SLC22A9: variants seen among roughly 807,000 people sequenced by gnomAD.
SLC22A9 encodes solute carrier family 22 member 9.
A neutral mutation model predicts 50.1 loss-of-function variants in SLC22A9; 64 were observed. The observed-to-expected ratio is 1.28, with a 90% CI of 1.04 to 1.57. The LOEUF is 1.57. SLC22A9 is among the 40% of genes most tolerant of loss of function. The pLI is 0.00. For synonymous variants in SLC22A9, 261 were observed against 242.5 expected, an observed-to-expected ratio of 1.08 and a Z score of -0.71; for missense variants, 757 against 676.1, an observed-to-expected ratio of 1.12 and a Z score of -1.33.
At chr11:63,377,874 CCAA>C (rs112817863) in intron 5 of SLC22A9, among the ~76,000 whole-genome samples, 2,385 of 152,174 alleles carry the variant, frequency 0.016, 57 homozygotes, top group African/African-American at 0.055. Context: ...GACATTACCA[CCAA>C]CAACACAGAA....
At chr11:63,386,383 T>TC (rs1397947186) in intron 6 of SLC22A9, among the ~76,000 whole-genome samples, 2 of 143,580 alleles carry the variant, frequency 1.4e-5, no homozygotes, top group African/African-American at 5.2e-5. Flanking sequence ...TGGTACCAGC[T>TC]CCCCTTTGTA....
At chr11:63,403,994 A>G (rs73485825) in intron 6 of SLC22A9, among the ~76,000 whole-genome samples, 2,150 of 152,216 alleles carry the variant, frequency 0.014, 43 homozygotes, top group African/African-American at 0.049. Context: ...TGGGATCTCA[A>G]TTCTTCAGAA....
At chr11:63,397,284 G>A (rs1015876925) in intron 6 of SLC22A9, among the ~76,000 whole-genome samples, 3 of 152,156 alleles carry the variant, frequency 2.0e-5, no homozygotes, top group African/African-American at 7.2e-5. Flanking sequence ...GGTAACACAA[G>A]CACCTCTGTG....
intron 6 of SLC22A9, among the ~76,000 whole-genome samples, chr11:63,390,738 G>T (rs1350716519): frequency 6.6e-6 from 1 of 152,122 alleles, no homozygotes; most frequent in African/African-American, 2.4e-5. Flanking sequence ...GACAGCCACT[G>T]GTAGCTTGAT....
chr11:63,408,252 CA>C, intron 8 of SLC22A9, 32 bp downstream of exon 8: 1 of 1,523,092 alleles, frequency 6.6e-7, no homozygotes, highest in African/African-American at 1.4e-5. Flanking sequence ...CTGTCAGGTT[CA>C]AAATGGACCT....
At chr11:63,409,767 G>C (rs912480620) in intron 9 of SLC22A9, 35 bp from the exon 10 acceptor site, 1 of 1,578,582 alleles carries the variant, frequency 6.3e-7, no homozygotes, top group Non-Finnish European at 8.6e-7. Context: ...TTTCATTTTT[G>C]TGATTTTTTG....
intron 5 of SLC22A9, among the ~76,000 whole-genome samples, chr11:63,381,098 A>C (rs1448156088): frequency 2.0e-5 from 3 of 152,168 alleles, no homozygotes; most frequent in Non-Finnish European, 4.4e-5. Flanking sequence ...GTCTGGTCTT[A>C]GTCCTGTTTT....
rs1313435524 is a variant in SLC22A9 at position 63,408,697 on chromosome 11, T to C, written c.1419T>C (p.Asn473=). 3.1e-6 allele frequency: 5 copies of C among 1,613,866 alleles called. No homozygotes were observed. The East Asian group carries it at 1.1e-4, about 36-fold the overall frequency. The part of the protein sequence containing the change: ...TIIRARAMGI[N]ATFANIAGAL... ...AAAGGGCAAGAGCTATGGGGATCAA[T>C]GCAACCTTTGCTAATATAGCAGGAG... Residue 473 remains asparagine (N), a synonymous_variant, in exon 9 of 10, where the codon AAT becomes AAC. Transcript: ENST00000279178.
At chr11:63,397,577 C>G (rs1044367635) in intron 6 of SLC22A9, among the ~76,000 whole-genome samples, 9 of 152,090 alleles carry the variant, frequency 5.9e-5, no homozygotes, top group African/African-American at 1.9e-4. Flanking sequence ...TGTGGCTGAG[C>G]TGGCACCCAA....
At chr11:63,377,972 C>T (rs2014493588) in intron 5 of SLC22A9, among the ~76,000 whole-genome samples, 1 of 152,026 alleles carries the variant, frequency 6.6e-6, no homozygotes, top group Non-Finnish European at 1.5e-5. Context: ...TTCTTGTAAA[C>T]ATTCAAACTC....
intron 4 of SLC22A9, 147 bp downstream of exon 4, chr11:63,374,209 C>A (rs2014421753): frequency 1.5e-6 from 1 of 666,030 alleles, no homozygotes. Flanking sequence ...ATACAAGAAG[C>A]AGAACACATA....
At chr11:63,387,166 T>G (rs1248536205) in intron 6 of SLC22A9, among the ~76,000 whole-genome samples, 1 of 152,094 alleles carries the variant, frequency 6.6e-6, no homozygotes. Context: ...TTTGTTCACT[T>G]TTGCTTTGGT....
intron 6 of SLC22A9, among the ~76,000 whole-genome samples, chr11:63,393,877 T>C (rs1324943572): frequency 6.6e-6 from 1 of 152,182 alleles, no homozygotes; most frequent in African/African-American, 2.4e-5. Flanking sequence ...TCCTGGATAA[T>C]ATTCTGAAGA....
At chr11:63,384,837 G>A (rs923566542) in intron 6 of SLC22A9, among the ~76,000 whole-genome samples, 1 of 152,002 alleles carries the variant, frequency 6.6e-6, no homozygotes, top group South Asian at 2.1e-4. Context: ...CATTCTGATT[G>A]GTGTGAGACG....
chr11:63,392,851 A>T (rs929890699), intron 6 of SLC22A9, among the ~76,000 whole-genome samples: 6 of 152,108 alleles, frequency 3.9e-5, no homozygotes, highest in Admixed American at 6.6e-5. Context: ...GTTTCTCTAA[A>T]ACACTAAGAT....
intron 6 of SLC22A9, among the ~76,000 whole-genome samples, chr11:63,390,975 T>C (rs946005366): frequency 1.1e-4 from 17 of 152,152 alleles, no homozygotes; most frequent in Admixed American, 9.2e-4. Flanking sequence ...ATATACCTCT[T>C]AGTACTTCTT....
At chr11:63,404,216 GA>G (rs1299752408) in intron 6 of SLC22A9, among the ~76,000 whole-genome samples, 1 of 141,512 alleles carries the variant, frequency 7.1e-6, no homozygotes, top group Non-Finnish European at 1.5e-5. Flanking sequence ...GGCTAGCACA[GA>G]AGAACAAACA....
chr11:63,390,025 T>C (rs1048764604), intron 6 of SLC22A9, among the ~76,000 whole-genome samples: 1 of 152,118 alleles, frequency 6.6e-6, no homozygotes, highest in Non-Finnish European at 1.5e-5. Context: ...TTTGATGGGG[T>C]TGTTTTTTCT....
chr11:63,396,071 G>A lies in SLC22A9; in HGVS notation c.1074-10426G>A, dbSNP rs376672269. Among the ~76,000 whole-genome samples the A allele has an allele frequency of 1.8e-4, 27 of 152,106 alleles. 4 individuals carry two copies. Among genetic ancestry groups the A allele is most frequent in the Admixed American group, 1.4e-3 (22 of 15,272 alleles). ...CCCATTGTGTCCCACTAACAGCACCGAGTCTGTTTTCCAGGCAGTGAGTGA... is the reference window on the plus strand; with the variant it reads ...CCCATTGTGTCCCACTAACAGCACCAAGTCTGTTTTCCAGGCAGTGAGTGA... On this transcript the variant is annotated intron_variant, in intron 6 of 9. Transcript: ENST00000279178.
Sources: allele counts gnomAD v4.1 joint callset (sites outside exome capture counted in the v4.1 genomes callset), GRCh38; gene constraint gnomAD v4.1.1; transcripts MANE v1.5; gene names NCBI Gene and HGNC (gene_info 2026-07-23, HGNC 2026-07-21).